The following HBEGF variants were observed in gnomAD, a reference collection of about 807,000 sequenced individuals.
The protein encoded by HBEGF is heparin binding EGF like growth factor.
In HBEGF, 8 loss-of-function variants were observed where a neutral mutation model predicts 19.5. The ratio of observed to expected loss-of-function variants is 0.41; its 90% CI spans 0.24 to 0.74. The LOEUF (loss-of-function observed/expected upper bound fraction) is 0.74, where lower values mean the gene tolerates loss of function less well. Among genes scored for constraint, HBEGF ranks in the 30% least tolerant of loss-of-function variants. The probability of loss-of-function intolerance (pLI) is 0.32; values close to 1 mark genes in which losing one functional copy is unlikely to be tolerated. For synonymous variants in HBEGF, 97 were observed against 108.9 expected (o/e 0.89, Z 0.68); for missense variants, 207 against 256.9 (o/e 0.81, Z 1.33).
Position 140,334,735 on chromosome 5 carries a change from C to T in HBEGF, c.568G>A (p.Gly190Arg), listed in dbSNP as rs1766202097. Residue 190 changes from glycine (G) to arginine (R), a missense_variant, in exon 5 of 6, where the codon GGA becomes AGA. Gly to Arg is a moderately radical substitution (Grantham distance 125). Around this residue, in one of 3 missense-constraint regions of HBEGF, gnomAD observed 77 missense variants for 106.9 expected, o/e 0.72. Coordinates refer to ENST00000230990, the MANE Select transcript of HBEGF (RefSeq NM_001945.3). ...TCTTCATTTTCCACATCATAACCTC[C>T]TCTCCTATGGTACCTGAGGAAGATA... ...GLLMFRYHRR[G>R]GYDVENEEKV... 1 of 1,613,524 alleles carries T rather than the reference C, an allele frequency of 6.2e-7. No individual in the cohort carries two copies. Among genetic ancestry groups the T allele is most frequent in the African/African-American group, 1.3e-5 (1 of 74,898 alleles).
chr5:140,335,578 A>C (rs1208641804), intron 4 of HBEGF, among the ~76,000 whole-genome samples: 1 of 152,018 alleles, frequency 6.6e-6, no homozygotes, highest in Non-Finnish European at 1.5e-5. Context: ...CAGCCAGGAG[A>C]AAGAAATGTG....
At chr5:140,345,802 C>A in intron 2 of HBEGF, 109 bp downstream of exon 2, 2 of 1,344,470 alleles carry the variant, frequency 1.5e-6, no homozygotes, top group Non-Finnish European at 2.1e-6. Flanking sequence ...CCCCGAGGTT[C>A]TCCATGAATA....
Position 140,346,137 on chromosome 5 carries a change from C to A in HBEGF, c.47-53G>T. On this transcript the variant is annotated intron_variant, in intron 1 of 5. Transcript: ENST00000230990. This position sits in a 1 kb window ranked among gnomAD's most constrained non-coding sequence, Gnocchi z 6.1. ...GACACCCGCCCAGACCCCTGACCAA[C>A]ACGCACCGATGCCGACGCCCGTCCG... is the stretch of plus-strand genomic sequence containing the variant. 1 of 1,585,154 alleles carries A rather than the reference C, an allele frequency of 6.3e-7. No homozygotes were observed. The highest frequency in any genetic ancestry group is 2.3e-5 in the East Asian group (1 of 43,658).
chr5:140,336,995 A>G (rs1382867128), intron 3 of HBEGF, among the ~76,000 whole-genome samples: 1 of 151,730 alleles, frequency 6.6e-6, no homozygotes, highest in African/African-American at 2.4e-5. Context: ...CGCCCAGCTA[A>G]TTTTTGTAAT....
chr5:140,338,822 G>A (rs920048301), intron 3 of HBEGF, among the ~76,000 whole-genome samples: 1 of 152,120 alleles, frequency 6.6e-6, no homozygotes, highest in African/African-American at 2.4e-5. Flanking sequence ...TATTACAACA[G>A]ATGCAAGAAC....
At chr5:140,341,275 C>T (rs1174166299) in intron 3 of HBEGF, among the ~76,000 whole-genome samples, 2 of 152,216 alleles carry the variant, frequency 1.3e-5, no homozygotes, top group Non-Finnish European at 2.9e-5. Flanking sequence ...CATCCATCCA[C>T]CAAAATGCCC....
At chr5:140,339,076 T>C (rs1031269875) in intron 3 of HBEGF, among the ~76,000 whole-genome samples, 6 of 152,188 alleles carry the variant, frequency 3.9e-5, no homozygotes, top group African/African-American at 1.4e-4. Flanking sequence ...AATGAGGTAA[T>C]ACAAATGAAA....
chr5:140,346,268 C>G lies in HBEGF; in HGVS notation c.46+15G>C. On this transcript the variant is annotated intron_variant, in intron 1 of 5. Coordinates refer to ENST00000230990, the MANE Select transcript of HBEGF (RefSeq NM_001945.3). The surrounding 1 kb of genome is among the most constrained non-coding windows in gnomAD (Gnocchi z 6.1). Reference sequence around the variant, plus strand: ...CCATCCCCCCGATCTCCGGGGGCGTCGGCAGCCCTCTTACCTGCAGCCAGA... The same window carrying G: ...CCATCCCCCCGATCTCCGGGGGCGTGGGCAGCCCTCTTACCTGCAGCCAGA... 6.2e-7 allele frequency: 1 copy of G among 1,600,766 alleles called. No individual in the cohort carries two copies. Among genetic ancestry groups the G allele is most frequent in the Non-Finnish European group, 8.5e-7 (1 of 1,174,484 alleles).
At chr5:140,344,494 A>G (rs1766364777) in intron 2 of HBEGF, among the ~76,000 whole-genome samples, 1 of 152,206 alleles carries the variant, frequency 6.6e-6, no homozygotes, top group African/African-American at 2.4e-5. Flanking sequence ...ATAACATATC[A>G]AGTGCCTAGA....
chr5:140,346,590 T>A lies in HBEGF; in HGVS notation c.-262A>T. The A allele has an allele frequency of 1.9e-6, 1 of 515,914 alleles. No homozygotes were observed. Among genetic ancestry groups the A allele is most frequent in the Non-Finnish European group, 3.4e-6 (1 of 292,338 alleles). The allele number at this position is 515,914 out of a possible 1,614,324, so 32.0% of individuals were successfully genotyped here. ...CAGCCAGCAGCGTGGCCCGCGTAGC[T>A]CCTTCGGCCGAATGAGCGCTGCCCG... On this transcript the variant is annotated 5_prime_UTR_variant, in exon 1 of 6. Transcript: ENST00000230990. This position sits in a 1 kb window ranked among gnomAD's most constrained non-coding sequence, Gnocchi z 6.1.
At position 140,332,919 on chromosome 5, in the gene HBEGF, T is replaced by TTCAGAAATG. The variant is rs1441747498; in HGVS notation, c.*1371_*1379dup. 1 of 152,662 alleles carries TTCAGAAATG rather than the reference T, an allele frequency of 6.6e-6. No homozygotes were observed. Among genetic ancestry groups the TTCAGAAATG allele is most frequent in the Non-Finnish European group, 1.5e-5 (1 of 68,060 alleles). 9.5% of individuals were successfully genotyped at this position (152,662 alleles called of 1,614,324 possible). ...GGTTTGGAAATACAAGTTGTAACAG[T>TTCAGAAATG]TCAGAAATGGCACCAGAAACTTCCA... On this transcript the variant is annotated 3_prime_UTR_variant, in exon 6 of 6. Transcript: ENST00000230990.
chr5:140,335,734 G>T, intron 4 of HBEGF, 138 bp downstream of exon 4: 5 of 918,886 alleles, frequency 5.4e-6, no homozygotes, highest in Non-Finnish European at 8.1e-6. Context: ...CCAGGTTTTT[G>T]GAGAATCTAC....
In HBEGF at chr5:140,346,550, G is replaced by A; in HGVS notation, c.-222C>T. On this transcript the variant is annotated 5_prime_UTR_variant, in exon 1 of 6. Transcript: ENST00000230990. This position sits in a 1 kb window ranked among gnomAD's most constrained non-coding sequence, Gnocchi z 6.1. ...CGCCCGCGCGGCCGCCCGACCCCGC[G>A]CGCCTAGGTCAGGCCAGCCAGCAGC... The A allele has an allele frequency of 1.7e-6, 1 of 596,784 alleles. No individual in the cohort carries two copies. The highest frequency in any genetic ancestry group is 3.0e-6 in the Non-Finnish European group (1 of 338,720). The allele number at this position is 596,784 out of a possible 1,614,324, so 37.0% of individuals were successfully genotyped here. A position where few individuals can be genotyped will look rare whatever the true frequency, so the allele number is the denominator to read the frequency against.
At position 140,345,991 on chromosome 5, in the gene HBEGF, G is replaced by A. The variant is rs1443512974; in HGVS notation, c.140C>T (p.Thr47Met). Residue 47 changes from threonine (T) to methionine (M), a missense_variant, in exon 2 of 6, where the codon ACG (threonine) becomes ATG (methionine). Thr to Met is a moderately conservative substitution (Grantham distance 81). This residue lies in a region of HBEGF where 127 missense variants were observed against 132.7 expected (regional missense o/e 0.96). Coordinates refer to ENST00000230990, the MANE Select transcript of HBEGF (RefSeq NM_001945.3). ...GCCTCCTAGGGGTAGCAGCTGGTCC[G>A]TGGATACAGTGGGAGGGTCCGGGTT... ...TSNPDPPTVS[T>M]DQLLPLGGGR... 1 of 1,614,166 alleles carries A rather than the reference G, an allele frequency of 6.2e-7. No individual in the cohort carries two copies. Among genetic ancestry groups the A allele is most frequent in the Non-Finnish European group, 8.5e-7 (1 of 1,180,016 alleles).
In HBEGF at chr5:140,334,961, TC is replaced by T. The variant is rs1766205367; in HGVS notation, c.555-214del. On this transcript the variant is annotated intron_variant, in intron 4 of 5. Transcript: ENST00000230990. ...ATGCAATTTACAAATAGCTTTCACC[TC>T]ATTTACGTGATCCTCACAACATCCT... is the stretch of plus-strand genomic sequence containing the variant. 1.2e-5 allele frequency: 7 copies of T among 597,452 alleles called. No homozygotes were observed. In the South Asian group the frequency reaches 1.4e-4, roughly 12 times the overall value. 37.0% of individuals were successfully genotyped at this position (597,452 alleles called of 1,614,324 possible).
Position 140,346,185 on chromosome 5 carries a change from A to G in HBEGF, c.46+98T>C. The G allele has an allele frequency of 1.3e-6, 2 of 1,554,376 alleles. No individual in the cohort carries two copies. The highest frequency in any genetic ancestry group is 1.7e-6 in the Non-Finnish European group (2 of 1,149,164). Reference sequence around the variant, plus strand: ...CCGCCAGAGCGCAAGGGCCCCACCAAGTGGCCCGTGCCGGGTGCGCTGCGG... The same window carrying G: ...CCGCCAGAGCGCAAGGGCCCCACCAGGTGGCCCGTGCCGGGTGCGCTGCGG... On this transcript the variant is annotated intron_variant, in intron 1 of 5. Coordinates refer to ENST00000230990, the MANE Select transcript of HBEGF (RefSeq NM_001945.3). The surrounding 1 kb of genome is among the most constrained non-coding windows in gnomAD (Gnocchi z 6.1).
chr5:140,337,484 T>C lies in HBEGF; in HGVS notation c.399-1457A>G, dbSNP rs113404310. 6.6e-5 allele frequency among the ~76,000 whole-genome samples: 10 copies of C among 152,282 alleles called. 2 individuals are homozygous for C. The highest frequency in any genetic ancestry group is 2.4e-4 in the African/African-American group (10 of 41,552). On this transcript the variant is annotated intron_variant, in intron 3 of 5. Coordinates refer to ENST00000230990, the MANE Select transcript of HBEGF (RefSeq NM_001945.3). ...GCACCAAGAACCTGGTGGCCCTCTT[T>C]TCTGAGCTGTGCTTTCTCTGGGAAG...
chr5:140,336,507 C>T (rs1766229822), intron 3 of HBEGF, among the ~76,000 whole-genome samples: 2 of 152,230 alleles, frequency 1.3e-5, no homozygotes. Context: ...CATCGTGCTT[C>T]CAGCGTCCAG....
intron 2 of HBEGF, chr5:140,343,027 G>C (rs1766339628): frequency 3.5e-6 from 2 of 564,450 alleles, no homozygotes; most frequent in African/African-American, 3.7e-5. Flanking sequence ...GTAGAAGCTA[G>C]GGTGGGTCCC....
Sources: gnomAD v4.1 joint callset for allele counts (sites outside exome capture counted in the v4.1 genomes callset) on GRCh38, gnomAD v4.1.1 for gene constraint, gnomAD v4.1.1 regional missense constraint, Gnocchi (gnomAD v3.1) non-coding constraint, MANE v1.5 for transcripts, NCBI Gene and HGNC (gene_info 2026-07-23, HGNC 2026-07-21) for gene names.